Variants in TTN observed in about 807,000 individuals in gnomAD.
TTN encodes connectin.
TTN carries 1,525 observed loss-of-function variants against 3,223.0 expected under a neutral mutation model. The ratio of observed to expected loss-of-function variants is 0.47; its 90% CI spans 0.45 to 0.49. The LOEUF (loss-of-function observed/expected upper bound fraction) is 0.49, where lower values mean the gene tolerates loss of function less well. Among genes scored for constraint, TTN ranks in the 20% least tolerant of loss-of-function variants. The pLI, the probability that TTN is intolerant of heterozygous loss-of-function variation, is 0.00. For synonymous variants in TTN, 14,094 were observed against 15,161.0 expected (o/e 0.93, Z 5.17); for missense variants, 40,786 against 43,424.0 (o/e 0.94, Z 5.40).
chr2:178,727,203 G>A lies in TTN; in HGVS notation c.20162C>T (p.Ser6721Leu). 6.2e-7 allele frequency: 1 copy of A among 1,613,234 alleles called. No individual in the cohort carries two copies. The highest frequency in any genetic ancestry group is 8.5e-7 in the Non-Finnish European group (1 of 1,179,432). Residue 6721 changes from serine (S) to leucine (L), a missense_variant, in exon 69 of 363, where the codon TCA (serine) becomes TTA (leucine). By Grantham distance (145) the Ser-to-Leu change is moderately radical. Transcript: ENST00000589042. ...SDKYRMTFIDSVAVIQMNNLS... is the reference protein window; with the variant it reads ...SDKYRMTFIDLVAVIQMNNLS... Reference sequence around the variant, plus strand: ...ATTGTTCATCTGTATGACGGCCACTGAGTCAATGAAAGTCATTCTGTACTT... The same window carrying A: ...ATTGTTCATCTGTATGACGGCCACTAAGTCAATGAAAGTCATTCTGTACTT...
At chr2:178,745,191 T>C in intron 47 of TTN, 1 of 1,003,820 alleles carries the variant, frequency 1.0e-6, no homozygotes, top group Non-Finnish European at 1.2e-6. Flanking sequence ...TTTGTCTGCG[T>C]GGTCATCTGA....
At position 178,696,142 on chromosome 2, in the gene TTN, C is replaced by A. The variant is rs879244158; in HGVS notation, c.30930G>T (p.Lys10310Asn). The A allele has an allele frequency of 6.4e-7, 1 of 1,553,254 alleles. No homozygotes were observed. The highest frequency in any genetic ancestry group is 1.4e-5 in the African/African-American group (1 of 73,342). Reference sequence around the variant, plus strand: ...CTTCGAAAGATTCAATGAAGACTCTCTTCTCCTTGTGGACTGCTTGCTTTT... The same window carrying A: ...CTTCGAAAGATTCAATGAAGACTCTATTCTCCTTGTGGACTGCTTGCTTTT... ...YEKKQAVHKE[K>N]RVFIESFEEP... Residue 10310 changes from lysine (K) to asparagine (N), a missense_variant, in exon 114 of 363, where the codon AAG becomes AAT. Lys to Asn is a moderately conservative substitution (Grantham distance 94, BLOSUM62 0). Transcript: ENST00000589042.
Position 178,594,580 on chromosome 2 carries a change from C to G in TTN, c.57914G>C (p.Trp19305Ser). ...CCCACCATCATACTTAGGAGGATTC[C>G]AAGTCAAAGTTACAGTATTTTTAGT... ...EVTKNTVTLT[W>S]NPPKYDGGSE... Residue 19305 changes from tryptophan (W) to serine (S), a missense_variant, in exon 296 of 363, where the codon TGG (tryptophan) becomes TCG (serine). Transcript: ENST00000589042. 1.2e-6 allele frequency: 2 copies of G among 1,612,968 alleles called. No homozygotes were observed. Among genetic ancestry groups the G allele is most frequent in the Non-Finnish European group, 8.5e-7 (1 of 1,179,356 alleles).
At position 178,719,304 on chromosome 2, in the gene TTN, G is replaced by A. The variant is rs2077977031; in HGVS notation, c.24086C>T (p.Pro8029Leu). ...FQDGNEIVSG[P>L]KCQSSFSENV... ...TTCCGAAAAGCTGGACTGACATTTG[G>A]GCCCACTAACAATCTCATTTCCATC... Residue 8029 changes from proline to leucine, a missense_variant, in exon 83 of 363, where the codon CCC becomes CTC. By Grantham distance (98) the Pro-to-Leu change is moderately conservative. Transcript: ENST00000589042. 1.9e-6 allele frequency: 3 copies of A among 1,613,670 alleles called. No homozygotes were observed. The highest frequency in any genetic ancestry group is 2.5e-6 in the Non-Finnish European group (3 of 1,179,730).
rs1227403465 is a variant in TTN at position 178,679,791 on chromosome 2, A to G, written c.33580+103T>C. 4 of 1,546,626 alleles carry G rather than the reference A, an allele frequency of 2.6e-6. No homozygotes were observed. The African/African-American group carries it at 4.2e-5, about 16-fold the overall frequency. ...CATCTAAAAATATCTGCTTTAAAGT[A>G]AGCAATCATTGGTGCTGCCAATAAC... is the stretch of plus-strand genomic sequence containing the variant. On this transcript the variant is annotated intron_variant, in intron 140 of 362. Coordinates refer to ENST00000589042, the MANE Select transcript of TTN (RefSeq NM_001267550.2).
Position 178,532,978 on chromosome 2 carries a change from C to T in TTN, c.103637G>A (p.Arg34546His), listed in dbSNP as rs973169397. ...TTCTATGGTAGTCTGCTTATACTTG[C>T]GTGGCTCTGGTACATCATAAGGCAT... ...LRMPYDVPEPRKYKQTTIEED... is the reference protein window; with the variant it reads ...LRMPYDVPEPHKYKQTTIEED... The change falls in exon 358 of 363, where the codon CGC (arginine) becomes CAC (histidine). Residue 34546 changes from arginine (R) to histidine (H), a missense_variant. Coordinates refer to ENST00000589042, the MANE Select transcript of TTN (RefSeq NM_001267550.2). 8 of 1,613,880 alleles carry T rather than the reference C, an allele frequency of 5.0e-6. No individual in the cohort carries two copies. Among genetic ancestry groups the T allele is most frequent in the Admixed American group, 1.7e-5 (1 of 60,018 alleles).
chr2:178,672,241 A>G lies in TTN; in HGVS notation c.34957T>C (p.Ser11653Pro), dbSNP rs1022888695. The G allele has an allele frequency of 6.4e-7, 1 of 1,571,714 alleles. No homozygotes were observed. Among genetic ancestry groups the G allele is most frequent in the African/African-American group, 1.4e-5 (1 of 73,338 alleles). ...ACTACTTCTTGGCGGAAGGCAACTG[A>G]TACTTTTTCTTCAAGGACAGTTCTC... ...KGRTVLEEKV[S>P]VAFRQEVVVK... is the part of the protein sequence containing the mutation. Residue 11653 changes from serine to proline, a missense_variant, in exon 155 of 363, where the codon TCA becomes CCA. Physicochemically the swap from Ser to Pro is moderately conservative, Grantham distance 74. Coordinates refer to ENST00000589042, the MANE Select transcript of TTN (RefSeq NM_001267550.2).
At position 178,563,337 on chromosome 2, in the gene TTN, C is replaced by T; in HGVS notation, c.82795G>A (p.Gly27599Ser). Reference protein sequence around the residue: ...LAWSKPIYDGGAPVKGYVVEV... With the variant: ...LAWSKPIYDGSAPVKGYVVEV... ...ACAACATAGCCTTTAACAGGTGCGC[C>T]ACCATCATAAATTGGCTTACTCCAT... The change falls in exon 326 of 363, where the codon GGC becomes AGC. Residue 27599 changes from glycine to serine, a missense_variant. Transcript: ENST00000589042. This position sits in a 1 kb window ranked among gnomAD's most constrained non-coding sequence, Gnocchi z 4.5. The T allele has an allele frequency of 6.2e-7, 1 of 1,613,640 alleles. No homozygotes were observed. Among genetic ancestry groups the T allele is most frequent in the Non-Finnish European group, 8.5e-7 (1 of 1,179,740 alleles).
chr2:178,609,628 A>G, intron 272 of TTN, 56 bp downstream of exon 272: 1 of 1,552,268 alleles, frequency 6.4e-7, no homozygotes, highest in Non-Finnish European at 8.7e-7. Context: ...CTGACAAAAC[A>G]TTATTTTCAT....
In TTN at chr2:178,667,428, T is replaced by A; in HGVS notation, c.35713+14A>T. On this transcript the variant is annotated intron_variant, in intron 161 of 362. Transcript: ENST00000589042. ...TAAAGATACTCATCTGGGTTTGATGTATTTGAAATATACCTTTAGTTGCTG... is the reference window on the plus strand; with the variant it reads ...TAAAGATACTCATCTGGGTTTGATGAATTTGAAATATACCTTTAGTTGCTG... The A allele has an allele frequency of 6.3e-7, 1 of 1,593,396 alleles. No homozygotes were observed. The highest frequency in any genetic ancestry group is 1.1e-5 in the South Asian group (1 of 89,464).
chr2:178,775,365 G>A lies in TTN; in HGVS notation c.6499C>T (p.Leu2167Phe). Residue 2167 changes from leucine (L) to phenylalanine (F), a missense_variant, in exon 28 of 363, where the codon CTT becomes TTT. Transcript: ENST00000589042. ...AAGACATGCAAATTACCTTGGACAAGTAAGAATGCGTGACTGGAGGTTTCT... is the reference window on the plus strand; with the variant it reads ...AAGACATGCAAATTACCTTGGACAAATAAGAATGCGTGACTGGAGGTTTCT... The part of the protein sequence containing the change: ...AGETSSHAFL[L>F]VQAKQLITFT... 3 of 1,614,026 alleles carry A rather than the reference G, an allele frequency of 1.9e-6. No individual in the cohort carries two copies. Among genetic ancestry groups the A allele is most frequent in the East Asian group, 2.2e-5 (1 of 44,858 alleles).
At chr2:178,673,597 G>C in intron 152 of TTN, 36 bp downstream of exon 152, 1 of 1,459,706 alleles carries the variant, frequency 6.9e-7, no homozygotes, top group Non-Finnish European at 9.1e-7. Flanking sequence ...AAATTAATGG[G>C]AAGTTAAAGA....
chr2:178,539,698 C>T lies in TTN; in HGVS notation c.98367G>A (p.Lys32789=), dbSNP rs72648274. ...TGTTGGGACTTCCTATCACCCTGAC[C>T]TTGATGTAGACAGCCTTCTTGCCAC... ...NKCGKKAVYI[K]VRVIGSPNSP... is the part of the protein sequence containing the mutation. The change falls in exon 352 of 363, where the codon AAG becomes AAA. Residue 32789 remains lysine, a synonymous_variant. Coordinates refer to ENST00000589042, the MANE Select transcript of TTN (RefSeq NM_001267550.2). 153 of 1,613,626 alleles carry T rather than the reference C, an allele frequency of 9.5e-5. No homozygotes were observed. Among genetic ancestry groups the T allele is most frequent in the Non-Finnish European group, 1.2e-4 (146 of 1,179,808 alleles).
In TTN at chr2:178,527,169, T is replaced by C; in HGVS notation, c.107819A>G (p.Gln35940Arg). The C allele has an allele frequency of 6.2e-7, 1 of 1,614,038 alleles. No homozygotes were observed. Among genetic ancestry groups the C allele is most frequent in the Non-Finnish European group, 8.5e-7 (1 of 1,179,894 alleles). The change falls in exon 363 of 363, where the codon CAA becomes CGA. Residue 35940 changes from glutamine to arginine, a missense_variant. Coordinates refer to ENST00000589042, the MANE Select transcript of TTN (RefSeq NM_001267550.2). Reference sequence around the variant, plus strand: ...TTCAATGTGGAACCTCCCCTGTTCTTGACTGTGGATTTTTCTTCCACCACA... The same window carrying C: ...TTCAATGTGGAACCTCCCCTGTTCTCGACTGTGGATTTTTCTTCCACCACA... ...WSCGGRKIHS[Q>R]EQGRFHIENT...
At chr2:178,609,116 T>C in intron 273 of TTN, 92 bp downstream of exon 273, 1 of 1,371,034 alleles carries the variant, frequency 7.3e-7, no homozygotes, top group Non-Finnish European at 9.6e-7. Context: ...GCTGAAGCTA[T>C]GTCCCATTTC....
At position 178,528,956 on chromosome 2, in the gene TTN, C is replaced by G. The variant is rs754744644; in HGVS notation, c.106795G>C (p.Ala35599Pro). 1.4e-5 allele frequency: 23 copies of G among 1,613,840 alleles called. No homozygotes were observed. Among genetic ancestry groups the G allele is most frequent in the Non-Finnish European group, 1.8e-5 (21 of 1,179,898 alleles). The change falls in exon 360 of 363, where the codon GCA becomes CCA. Residue 35599 changes from alanine to proline, a missense_variant. Transcript: ENST00000589042. ...VHEEITKTSQASEEVRTHAEI... is the reference protein window; with the variant it reads ...VHEEITKTSQPSEEVRTHAEI... Reference sequence around the variant, plus strand: ...GCATGAGTTCTGACTTCTTCTGATGCCTGTGATGTTTTAGTGATTTCCTCA... The same window carrying G: ...GCATGAGTTCTGACTTCTTCTGATGGCTGTGATGTTTTAGTGATTTCCTCA...
chr2:178,567,565 T>C lies in TTN; in HGVS notation c.78567A>G (p.Glu26189=). ...TTGGATCCATTGAAATTCTTGGGAG[T>C]TCAACCTCATCCTTGGCAGTTATTG... ...TGPITAKDEV[E]LPRISMDPKF... The change falls in exon 326 of 363, where the codon GAA becomes GAG. Residue 26189 remains glutamate (E), a synonymous_variant. Coordinates refer to ENST00000589042, the MANE Select transcript of TTN (RefSeq NM_001267550.2). 1 of 1,609,184 alleles carries C rather than the reference T, an allele frequency of 6.2e-7. No individual in the cohort carries two copies.
chr2:178,726,287 T>C, intron 69 of TTN: 1 of 373,094 alleles, frequency 2.7e-6, no homozygotes. Flanking sequence ...CAACATTCTA[T>C]CTACTACACC....
chr2:178,770,374 G>A lies in TTN; in HGVS notation c.8380+38C>T, dbSNP rs185917477. On this transcript the variant is annotated intron_variant, in intron 35 of 362. Transcript: ENST00000589042. Reference sequence around the variant, plus strand: ...ATAGGGTTAACTTAATGGTAACCATGGGCTGACTGCTTGAAAAGTGTTTCT... The same window carrying A: ...ATAGGGTTAACTTAATGGTAACCATAGGCTGACTGCTTGAAAAGTGTTTCT... The A allele has an allele frequency of 4.5e-5, 72 of 1,614,098 alleles. No homozygotes were observed. In the East Asian group the frequency reaches 1.0e-3, roughly 22 times the overall value.
Sources: allele counts gnomAD v4.1 joint callset, GRCh38; gene constraint gnomAD v4.1.1; non-coding constraint Gnocchi (gnomAD v3.1); transcripts MANE v1.5; gene names NCBI Gene and HGNC (gene_info 2026-07-23, HGNC 2026-07-21).